Variants in LMBR1 observed in about 807,000 individuals in gnomAD.
The protein encoded by LMBR1 is limb development membrane protein 1, also known as limb region 1 protein homolog.
In LMBR1, 52 loss-of-function variants were observed where a neutral mutation model predicts 73.9. The observed-to-expected ratio is 0.70, with a 90% CI of 0.56 to 0.89. LMBR1 has a LOEUF of 0.89. LMBR1 is among the 40% of genes least tolerant of loss of function. The pLI is 0.00. For synonymous variants in LMBR1, 215 were observed against 209.4 expected (o/e 1.03, Z -0.23); for missense variants, 539 against 579.8 (o/e 0.93, Z 0.72).
rs1249696156 is a variant in LMBR1, at chr7:156,688,078, C to A, written c.1339G>T (p.Val447Phe). The stretch of plus-strand genomic sequence containing the variant: ...CGAACTGCAGAGGTGAATTTTCGGA[C>A]CAGACACAATGTTGTCACAATAGCA... ...LFAIVTTLCL[V>F]RKFTSAVREE... is the part of the protein sequence containing the mutation. The change falls in exon 16 of 17, where the codon GTC becomes TTC. Residue 447 changes from valine (V) to phenylalanine (F), a missense_variant. Val to Phe is a conservative substitution (Grantham distance 50). Around this residue, in one of 3 missense-constraint regions of LMBR1, gnomAD observed 69 missense variants for 68.5 expected, o/e 1.01. Coordinates refer to ENST00000353442, the MANE Select transcript of LMBR1 (RefSeq NM_022458.4). The A allele has an allele frequency of 1.2e-6, 2 of 1,611,278 alleles. No homozygotes were observed. Among genetic ancestry groups the A allele is most frequent in the Non-Finnish European group, 1.7e-6 (2 of 1,179,044 alleles).
intron 9 of LMBR1, among the ~76,000 whole-genome samples, chr7:156,744,358 A>G (rs1819474822): frequency 6.8e-6 from 1 of 147,398 alleles, no homozygotes; most frequent in African/African-American, 2.5e-5. Flanking sequence ...TTTTTTTTCC[A>G]TTGTTCTTGG....
intron 1 of LMBR1, among the ~76,000 whole-genome samples, chr7:156,880,339 C>T (rs1800892629): frequency 6.6e-6 from 1 of 151,932 alleles, no homozygotes; most frequent in African/African-American, 2.4e-5. Flanking sequence ...ACTTTGGGGA[C>T]TCAGGGGGAA....
chr7:156,783,508 A>G (rs1013339768), intron 5 of LMBR1, among the ~76,000 whole-genome samples: 1 of 152,118 alleles, frequency 6.6e-6, no homozygotes, highest in African/African-American at 2.4e-5. Flanking sequence ...TTTTGTTTCC[A>G]TTATTGTTTC....
rs888764328 is a variant in LMBR1 at position 156,792,642 on chromosome 7, T to C, written c.423+3747A>G. 3.5e-4 allele frequency among the ~76,000 whole-genome samples: 53 copies of C among 152,224 alleles called. No individual in the cohort carries two copies. Among genetic ancestry groups the C allele is most frequent in the Middle Eastern group, 3.2e-3 (1 of 316 alleles). On this transcript the variant is annotated intron_variant, in intron 5 of 16. Coordinates refer to ENST00000353442, the MANE Select transcript of LMBR1 (RefSeq NM_022458.4). ...GCTATTGAAGGCCCTTAAAAGGACA[T>C]AGTCAACCCCCCAGGCCTAATATGT...
Position 156,836,826 on chromosome 7 carries a change from G to A in LMBR1, c.126C>T (p.Tyr42=). ...GTTTCCACTTGCCTGATTTTCTCTT[G>A]TATCTTGTGATGATGAAGTAGGAAA... ...YVVSYFIITR[Y]KRKSDEQEDE... Residue 42 remains tyrosine (Y), a synonymous_variant, in exon 2 of 17, where the codon TAC becomes TAT. Transcript: ENST00000353442. The A allele has an allele frequency of 1.9e-6, 3 of 1,575,230 alleles. No individual in the cohort carries two copies. Among genetic ancestry groups the A allele is most frequent in the South Asian group, 1.2e-5 (1 of 86,202 alleles).
chr7:156,769,414 T>C (rs1422654513), intron 5 of LMBR1, among the ~76,000 whole-genome samples: 2 of 152,120 alleles, frequency 1.3e-5, no homozygotes, highest in Non-Finnish European at 2.9e-5. Context: ...GTAATGTAAT[T>C]ACCAGGGGCC....
intron 5 of LMBR1, among the ~76,000 whole-genome samples, chr7:156,794,772 G>A (rs1056105137): frequency 6.6e-5 from 10 of 152,116 alleles, no homozygotes; most frequent in African/African-American, 2.2e-4. Context: ...GAAAGCAAAC[G>A]TCGGCAGGCA....
intron 1 of LMBR1, among the ~76,000 whole-genome samples, chr7:156,863,703 CTATTT>C (rs1270384580): frequency 6.6e-6 from 1 of 152,024 alleles, no homozygotes; most frequent in Non-Finnish European, 1.5e-5. Flanking sequence ...CTTTTTTAAA[CTATTT>C]TATTTTAGCC....
intron 15 of LMBR1, among the ~76,000 whole-genome samples, chr7:156,710,422 G>A (rs188232512): frequency 3.8e-4 from 58 of 152,194 alleles, no homozygotes; most frequent in African/African-American, 1.4e-3. Context: ...GTAAAAGAAA[G>A]AACTTCAGAG....
At chr7:156,834,158 C>T in intron 2 of LMBR1, among the ~76,000 whole-genome samples, 1 of 152,146 alleles carries the variant, frequency 6.6e-6, no homozygotes, top group Middle Eastern at 3.4e-3. Flanking sequence ...TAACAGCCAA[C>T]AAAAGTTACT....
At chr7:156,837,173 A>C (rs1242405256) in intron 1 of LMBR1, among the ~76,000 whole-genome samples, 1 of 151,014 alleles carries the variant, frequency 6.6e-6, no homozygotes, top group Non-Finnish European at 1.5e-5. Context: ...AAAAATACAA[A>C]AAAAAAAAAT....
At chr7:156,877,564 A>C (rs1027076946) in intron 1 of LMBR1, among the ~76,000 whole-genome samples, 13 of 152,214 alleles carry the variant, frequency 8.5e-5, no homozygotes, top group Non-Finnish European at 1.8e-4. Flanking sequence ...AGTGGGTTTC[A>C]TACCACAGAT....
At chr7:156,842,797 G>C (rs1032260418) in intron 1 of LMBR1, among the ~76,000 whole-genome samples, 3 of 152,128 alleles carry the variant, frequency 2.0e-5, no homozygotes, top group African/African-American at 7.2e-5. Flanking sequence ...CTGGCAGCCT[G>C]GTGGTGCTGT....
intron 1 of LMBR1, among the ~76,000 whole-genome samples, chr7:156,840,979 A>G (rs890301491): frequency 3.2e-4 from 48 of 148,652 alleles, no homozygotes; most frequent in South Asian, 6.3e-4. Context: ...AAAAAAAAAA[A>G]AAAAAGAAAA....
At chr7:156,694,011 A>G (rs939812927) in intron 15 of LMBR1, among the ~76,000 whole-genome samples, 2 of 152,240 alleles carry the variant, frequency 1.3e-5, no homozygotes, top group African/African-American at 4.8e-5. Flanking sequence ...AGGTCAATCA[A>G]TGTGATATAC....
chr7:156,779,596 G>A, intron 5 of LMBR1: 2 of 871,988 alleles, frequency 2.3e-6, no homozygotes, highest in Non-Finnish European at 3.2e-6. Context: ...TGGAATTTTT[G>A]TGCTGGTCAA....
intron 9 of LMBR1, among the ~76,000 whole-genome samples, chr7:156,739,842 G>A (rs1404318374): frequency 6.6e-6 from 1 of 152,076 alleles, no homozygotes; most frequent in African/African-American, 2.4e-5. Context: ...CCCAGACACT[G>A]ACGAATATCC....
At chr7:156,805,821 A>G (rs10277174) in intron 4 of LMBR1, among the ~76,000 whole-genome samples, 51,821 of 151,994 alleles carry the variant, frequency 0.34, 9,122 homozygotes, top group East Asian at 0.57. Flanking sequence ...CGTTAGAGAC[A>G]GGAGCCCTTG....
At chr7:156,712,203 T>C (rs1466535554) in intron 15 of LMBR1, among the ~76,000 whole-genome samples, 2 of 151,974 alleles carry the variant, frequency 1.3e-5, no homozygotes, top group Non-Finnish European at 2.9e-5. Context: ...CTTCAAAAAG[T>C]GGGCAAAAGA....
Sources: allele counts gnomAD v4.1 joint callset (sites outside exome capture counted in the v4.1 genomes callset), GRCh38; gene constraint gnomAD v4.1.1; regional missense constraint gnomAD v4.1.1; transcripts MANE v1.5; gene names NCBI Gene and HGNC (gene_info 2026-07-23, HGNC 2026-07-21).